HEPH: variants seen among roughly 807,000 people sequenced by gnomAD.
The protein encoded by HEPH is hephaestin.
Under a neutral mutation model 80.8 loss-of-function variants are expected in HEPH, and 69 were observed. The ratio of observed to expected loss-of-function variants is 0.85; its 90% CI spans 0.70 to 1.04. The LOEUF (loss-of-function observed/expected upper bound fraction) is 1.04, where lower values mean the gene tolerates loss of function less well. Ranked by LOEUF, HEPH falls within the 50% of genes least tolerant of loss-of-function variation. The pLI, the probability that HEPH is intolerant of heterozygous loss-of-function variation, is 0.00. For missense variants in HEPH, 1,115 were observed against 891.3 expected (o/e 1.25, Z -3.20); for synonymous variants, 431 against 322.8 (o/e 1.34, Z -3.60).
In HEPH at chrX:66,207,298, CCAAG is replaced by C; in HGVS notation, c.2396_2399del (p.Pro799ArgfsTer23). On this transcript the variant is annotated frameshift_variant, in exon 14 of 21. Transcript: ENST00000343002. LOFTEE classifies it high-confidence loss of function. ...TGATGGTACATTCAGGATCCCTCGG[CCAAG>C]GACTGGACCAGAAGAACACTTGGGA... 1.7e-6 allele frequency: 2 copies of C among 1,200,255 alleles called. No homozygotes were observed. Among genetic ancestry groups the C allele is most frequent in the Non-Finnish European group, 2.2e-6 (2 of 889,039 alleles).
chrX:66,224,714 G>T (rs1317094390), intron 15 of HEPH, among the ~76,000 whole-genome samples: 1 of 111,898 alleles, frequency 8.9e-6, no homozygotes, highest in Non-Finnish European at 1.9e-5. Flanking sequence ...AGTGGTATTG[G>T]AGTGTTATAG....
In HEPH at chrX:66,189,831, A is replaced by G. The variant is rs1469973096; in HGVS notation, c.956A>G (p.His319Arg). The change falls in exon 6 of 21, where the codon CAC becomes CGC. Residue 319 changes from histidine to arginine, a missense_variant. His to Arg is a conservative substitution (Grantham distance 29). This residue lies in a region of HEPH where 391 missense variants were observed against 343.6 expected (regional missense o/e 1.14). Transcript: ENST00000343002. The stretch of plus-strand genomic sequence containing the variant: ...CAGATGCTGACTACCCGTGGACACC[A>G]CACTGATGTGGCTAACATCTTTCCA... The part of the protein sequence containing the change: ...HGQMLTTRGH[H>R]TDVANIFPAT... The G allele has an allele frequency of 1.7e-6, 2 of 1,210,424 alleles. No individual in the cohort carries two copies. Among genetic ancestry groups the G allele is most frequent in the Non-Finnish European group, 2.2e-6 (2 of 894,865 alleles).
intron 15 of HEPH, among the ~76,000 whole-genome samples, chrX:66,239,644 A>G (rs748102149): frequency 8.9e-6 from 1 of 112,032 alleles, no homozygotes; most frequent in African/African-American, 3.2e-5. Flanking sequence ...GAAACCAAGC[A>G]GGATCTAGAC....
chrX:66,230,738 C>G (rs1189565152), intron 15 of HEPH, among the ~76,000 whole-genome samples: 2 of 106,806 alleles, frequency 1.9e-5, no homozygotes, highest in Non-Finnish European at 3.9e-5. Context: ...CCTGTTCACT[C>G]TGATGGTAGT....
intron 15 of HEPH, among the ~76,000 whole-genome samples, chrX:66,254,018 G>A (rs1030062994): frequency 9.0e-6 from 1 of 111,109 alleles, no homozygotes; most frequent in South Asian, 3.8e-4. Flanking sequence ...ATGAATCGTG[G>A]TGGTTACAAA....
rs773485042 is a variant in HEPH at position 66,186,391 on chromosome X, G to T, written c.626-1968G>T. 4.8e-3 allele frequency among the ~76,000 whole-genome samples: 532 copies of T among 111,355 alleles called. 2 individuals carry two copies. Among genetic ancestry groups the T allele is most frequent in the Non-Finnish European group, 8.4e-3 (444 of 52,929 alleles). ...GTAGGACCCTCTGAGCCAGTTGTGG[G>T]ATATAGTCTCGTGGTGCGCGGTTTC... On this transcript the variant is annotated intron_variant, in intron 4 of 20. Coordinates refer to ENST00000343002, the MANE Select transcript of HEPH (RefSeq NM_001367233.3).
intron 4 of HEPH, among the ~76,000 whole-genome samples, chrX:66,177,866 T>C (rs2086881936): frequency 8.9e-6 from 1 of 111,738 alleles, no homozygotes; most frequent in Admixed American, 9.5e-5. Flanking sequence ...AGCTATGAAC[T>C]TCCCTTTTAG....
At chrX:66,228,048 G>A (rs1391339992) in intron 15 of HEPH, among the ~76,000 whole-genome samples, 4 of 111,512 alleles carry the variant, frequency 3.6e-5, no homozygotes, top group South Asian at 7.6e-4. Flanking sequence ...CCTGAGACTG[G>A]ACAATTTACA....
At chrX:66,238,099 G>A (rs2090431813) in intron 15 of HEPH, among the ~76,000 whole-genome samples, 1 of 111,468 alleles carries the variant, frequency 9.0e-6, no homozygotes, top group Admixed American at 9.5e-5. Context: ...TTTAAATGGG[G>A]GCCTTTAGCC....
In HEPH at chrX:66,207,070, T is replaced by C. The variant is rs753985952; in HGVS notation, c.2292-125T>C. 2.1e-3 allele frequency: 927 copies of C among 432,863 alleles called. 3 individuals are homozygous for C. Among genetic ancestry groups the C allele is most frequent in the Non-Finnish European group, 2.5e-3 (707 of 279,748 alleles). 35.7% of individuals were successfully genotyped at this position (432,863 alleles called of 1,213,427 possible). The stretch of plus-strand genomic sequence containing the variant: ...AAAAAAAGAAAAAAAAAGAAATAGG[T>C]CCCCCCCCTTTTTTTTTTCTGTCTG... On this transcript the variant is annotated intron_variant, in intron 13 of 20. Transcript: ENST00000343002.
At chrX:66,221,717 T>G (rs1297478785) in intron 15 of HEPH, among the ~76,000 whole-genome samples, 1 of 113,026 alleles carries the variant, frequency 8.8e-6, no homozygotes, top group Non-Finnish European at 1.9e-5. Context: ...CGGGCTGACA[T>G]GAGTTTTTCT....
intron 8 of HEPH, among the ~76,000 whole-genome samples, chrX:66,194,673 C>A (rs1239164936): frequency 9.0e-6 from 1 of 111,592 alleles, no homozygotes; most frequent in East Asian, 2.8e-4. Flanking sequence ...TCCACAAAGA[C>A]ATGTAGCTAT....
Position 66,266,652 on chromosome X carries a change from C to T in HEPH, c.3457C>T (p.Leu1153Phe), listed in dbSNP as rs2091549992. 1 of 1,199,766 alleles carries T rather than the reference C, an allele frequency of 8.3e-7. No homozygotes were observed. Among genetic ancestry groups the T allele is most frequent in the African/African-American group, 1.8e-5 (1 of 56,573 alleles). Residue 1153 changes from leucine (L) to phenylalanine (F), a missense_variant, in exon 21 of 21, where the codon CTT becomes TTT. By Grantham distance (22) the Leu-to-Phe change is conservative (BLOSUM62 0). Coordinates refer to ENST00000343002, the MANE Select transcript of HEPH (RefSeq NM_001367233.3). ...RRSILDDSFKLLSFKQ is the reference protein window; with the variant it reads ...RRSILDDSFKFLSFKQ Reference sequence around the variant, plus strand: ...GTCCATCCTGGATGACAGCTTCAAGCTTCTGTCTTTCAAACAGTAACATCT... The same window carrying T: ...GTCCATCCTGGATGACAGCTTCAAGTTTCTGTCTTTCAAACAGTAACATCT...
chrX:66,172,316 A>G, intron 2 of HEPH, 39 bp from the exon 3 acceptor site: 1 of 1,155,529 alleles, frequency 8.7e-7, no homozygotes, highest in Non-Finnish European at 1.2e-6. Flanking sequence ...AGGCTTGAAG[A>G]TGGGGGGCAA....
intron 12 of HEPH, among the ~76,000 whole-genome samples, chrX:66,202,609 A>C (rs780623444): frequency 9.0e-6 from 1 of 110,837 alleles, no homozygotes; most frequent in Non-Finnish European, 1.9e-5. Context: ...TTAGGTAAGC[A>C]TCCCTCTGCA....
intron 15 of HEPH, among the ~76,000 whole-genome samples, chrX:66,240,151 T>C (rs1464603943): frequency 1.8e-5 from 2 of 111,731 alleles, no homozygotes; most frequent in Non-Finnish European, 3.8e-5. Flanking sequence ...ATTAGAGAGA[T>C]TAAAACTCTA....
chrX:66,258,400 G>A (rs2091250100), intron 17 of HEPH, among the ~76,000 whole-genome samples: 1 of 111,511 alleles, frequency 9.0e-6, no homozygotes, highest in African/African-American at 3.3e-5. Flanking sequence ...TTCTAGTAGG[G>A]AATCTTAGAA....
intron 7 of HEPH, among the ~76,000 whole-genome samples, 174 bp from the exon 8 acceptor site, chrX:66,193,328 T>C (rs2087912533): frequency 9.1e-6 from 1 of 110,221 alleles, no homozygotes; most frequent in Non-Finnish European, 1.9e-5. Flanking sequence ...AAGCTGTATA[T>C]AACTTTCTAG....
Position 66,253,940 on chromosome X carries a change from A to C in HEPH, c.2564-1095A>C, listed in dbSNP as rs147030142. 8.5e-3 allele frequency among the ~76,000 whole-genome samples: 947 copies of C among 111,452 alleles called. 12 individuals are homozygous for C. Among genetic ancestry groups the C allele is most frequent in the African/African-American group, 0.029 (901 of 30,682 alleles). On this transcript the variant is annotated intron_variant, in intron 15 of 20. Coordinates refer to ENST00000343002, the MANE Select transcript of HEPH (RefSeq NM_001367233.3). ...TTGATTACCTTGGGTGGGGTGGGGCAGGAATGGATGGGTGGATTAGGGGAT... is the reference window on the plus strand; with the variant it reads ...TTGATTACCTTGGGTGGGGTGGGGCCGGAATGGATGGGTGGATTAGGGGAT...
Sources: allele counts gnomAD v4.1 joint callset (sites outside exome capture counted in the v4.1 genomes callset), GRCh38; gene constraint gnomAD v4.1.1; regional missense constraint gnomAD v4.1.1; transcripts MANE v1.5; gene names NCBI Gene and HGNC (gene_info 2026-07-23, HGNC 2026-07-21).